PDXK: variants seen among roughly 807,000 people sequenced by gnomAD.
PDXK encodes the protein epididymis secretory sperm binding protein Li 1a.
PDXK carries 15 observed loss-of-function variants against 43.2 expected under a neutral mutation model. The ratio of observed to expected loss-of-function variants is 0.35; its 90% confidence interval spans 0.23 to 0.53. The LOEUF (loss-of-function observed/expected upper bound fraction) is 0.53. PDXK is among the 20% of genes least tolerant of loss of function. The pLI is 0.92. For missense variants in PDXK, 343 were observed against 417.0 expected, an observed-to-expected ratio of 0.82 and a Z score of 1.54; for synonymous variants, 172 against 165.4, an observed-to-expected ratio of 1.04 and a Z score of -0.31.
At chr21:43,729,456 T>C (rs2083290294) in intron 1 of PDXK, among the ~76,000 whole-genome samples, 1 of 151,888 alleles carries the variant, frequency 6.6e-6, no homozygotes, top group South Asian at 2.1e-4. Flanking sequence ...GTGCCCGGGG[T>C]TCTGCAGCCC....
At chr21:43,719,935 C>T in intron 1 of PDXK, 1 of 985,296 alleles carries the variant, frequency 1.0e-6, no homozygotes, top group Non-Finnish European at 1.2e-6. Context: ...GGCCTGACCA[C>T]GCCAGGAGGT....
chr21:43,739,313 G>A (rs570298907), intron 2 of PDXK, among the ~76,000 whole-genome samples: 2 of 152,114 alleles, frequency 1.3e-5, no homozygotes, highest in Non-Finnish European at 2.9e-5. Flanking sequence ...GTGAGCCACC[G>A]CACCCGGCCC....
In PDXK at chr21:43,735,938, G is replaced by A. The variant is rs2083393559; in HGVS notation, c.142+1815G>A. ...CTGGGGAGTGAGGCTGGTGCATCGT[G>A]TACCTGCCCTGGGTGCCACGGGAGC... On this transcript the variant is annotated intron_variant, in intron 2 of 10. Coordinates refer to ENST00000291565, the MANE Select transcript of PDXK (RefSeq NM_003681.5). The surrounding 1 kb of genome is among the most constrained non-coding windows in gnomAD (Gnocchi z 5.3). Among the ~76,000 whole-genome samples the A allele has an allele frequency of 6.6e-6, 1 of 152,152 alleles. No individual in the cohort carries two copies. The highest frequency in any genetic ancestry group is 6.5e-5 in the Admixed American group (1 of 15,284).
rs567932656 is a variant in PDXK, at chr21:43,760,853, C to T, written c.*4790C>T. On this transcript the variant is annotated 3_prime_UTR_variant, in exon 11 of 11. Coordinates refer to ENST00000291565, the MANE Select transcript of PDXK (RefSeq NM_003681.5). ...GTCTCTCCTGCTGGGGGCTTTCTGT[C>T]GCATGTGTGTCTCCTGTCGACTCTG... The T allele has an allele frequency of 1.3e-5, 2 of 152,316 alleles. No individual in the cohort carries two copies. Among genetic ancestry groups the T allele is most frequent in the East Asian group, 1.9e-4 (1 of 5,174 alleles). The allele number at this position is 152,316 out of a possible 1,614,324, so 9.4% of individuals were successfully genotyped here.
intron 9 of PDXK, chr21:43,755,356 C>G: frequency 7.5e-6 from 2 of 265,016 alleles, no homozygotes; most frequent in South Asian, 1.2e-4. Flanking sequence ...GGAGCACTTC[C>G]CCTTGTAGAC....
At chr21:43,733,819 C>T (rs1315562921) in intron 1 of PDXK, 2 of 704,858 alleles carry the variant, frequency 2.8e-6, no homozygotes, top group Non-Finnish European at 4.5e-6. Flanking sequence ...CTGGGCGATG[C>T]CCTCCCGGGC....
rs1191966346 is a variant in PDXK at position 43,719,242 on chromosome 21, C to G, written c.-53C>G. On this transcript the variant is annotated 5_prime_UTR_variant, in exon 1 of 11. Coordinates refer to ENST00000291565, the MANE Select transcript of PDXK (RefSeq NM_003681.5). ...CGAGCCGAGCCGGAGCCCGAGCGAGCGGCGGAGACCGTGCCCCCGCCTCGG... is the reference window on the plus strand; with the variant it reads ...CGAGCCGAGCCGGAGCCCGAGCGAGGGGCGGAGACCGTGCCCCCGCCTCGG... 9.4e-7 allele frequency: 1 copy of G among 1,060,726 alleles called. No individual in the cohort carries two copies. The highest frequency in any genetic ancestry group is 1.2e-6 in the Non-Finnish European group (1 of 808,560). 65.7% of individuals were successfully genotyped at this position (1,060,726 alleles called of 1,614,324 possible).
At chr21:43,728,762 G>C (rs2083280020) in intron 1 of PDXK, 1 of 985,734 alleles carries the variant, frequency 1.0e-6, no homozygotes, top group African/African-American at 1.7e-5. Context: ...CCTGGGCAGG[G>C]GATGAGCTTG....
Position 43,756,117 on chromosome 21 carries a change from C to T in PDXK, c.*54C>T, listed in dbSNP as rs2083847283. The T allele has an allele frequency of 5.8e-6, 6 of 1,034,458 alleles. No homozygotes were observed. The South Asian group carries it at 8.1e-5, about 14-fold the overall frequency. The allele number at this position is 1,034,458 out of a possible 1,614,324, so 64.1% of individuals were successfully genotyped here. ...GCGCGTTGGTGTCTCCGTGTTTGTC[C>T]CTGTGAAAACATGTAACGTCTGCCT... On this transcript the variant is annotated 3_prime_UTR_variant, in exon 11 of 11. Transcript: ENST00000291565.
In PDXK at chr21:43,735,276, T is replaced by A. The variant is rs572351248; in HGVS notation, c.142+1153T>A. On this transcript the variant is annotated intron_variant, in intron 2 of 10. Transcript: ENST00000291565. This position sits in a 1 kb window ranked among gnomAD's most constrained non-coding sequence, Gnocchi z 5.3. ...CCTTTAGGATTTATTTTTCAGTGAG[T>A]GAGCTGGCCGGCTTGGACACTAAAG... Among the ~76,000 whole-genome samples, 2 of 152,282 alleles carry A rather than the reference T, an allele frequency of 1.3e-5. No homozygotes were observed.
At chr21:43,721,106 C>T (rs1446425232) in intron 1 of PDXK, among the ~76,000 whole-genome samples, 3 of 152,202 alleles carry the variant, frequency 2.0e-5, no homozygotes, top group African/African-American at 7.2e-5. Flanking sequence ...GCTCCCATAC[C>T]CCGATGTCCA....
intron 1 of PDXK, chr21:43,728,821 C>T (rs559085141): frequency 9.1e-6 from 9 of 985,630 alleles, no homozygotes; most frequent in South Asian, 9.4e-5. Flanking sequence ...TGCGGTCCAG[C>T]CGGATGACTG....
chr21:43,755,960 G>A lies in PDXK; in HGVS notation c.836G>A (p.Gly279Glu), dbSNP rs766030279. The change falls in exon 11 of 11, where the codon GGG (glycine) becomes GAG (glutamate). Residue 279 changes from glycine to glutamate, a missense_variant. Gly to Glu is a moderately conservative substitution (Grantham distance 98). Transcript: ENST00000291565. ...TCTGCCTGCCCCGCAGCCCAGGCCG[G>A]GGAAGGAGTGAGGCCCAGCCCCATG... ...RTIQCAKAQA[G>E]EGVRPSPMQL... is the part of the protein sequence containing the mutation. The A allele has an allele frequency of 1.5e-5, 24 of 1,610,160 alleles. No homozygotes were observed. The South Asian group carries it at 2.5e-4, about 17-fold the overall frequency.
intron 1 of PDXK, among the ~76,000 whole-genome samples, chr21:43,722,622 C>T (rs1319545937): frequency 4.6e-5 from 7 of 151,960 alleles, no homozygotes; most frequent in African/African-American, 1.7e-4. Context: ...CAGGGCCATG[C>T]TCCCTCCATA....
chr21:43,741,740 C>T lies in PDXK; in HGVS notation c.216C>T (p.Asn72=). Residue 72 remains asparagine, a synonymous_variant, in exon 3 of 11, where the codon AAC becomes AAT. Coordinates refer to ENST00000291565, the MANE Select transcript of PDXK (RefSeq NM_003681.5). ...LQELYEGLRL[N]NMNKYDYVLT... ...AGTTGTACGAAGGCCTGAGGCTGAA[C>T]AACATGAATAAATATGACTACGTGC... The T allele has an allele frequency of 1.9e-6, 3 of 1,611,992 alleles. No homozygotes were observed. Among genetic ancestry groups the T allele is most frequent in the Non-Finnish European group, 2.5e-6 (3 of 1,178,546 alleles).
intron 8 of PDXK, among the ~76,000 whole-genome samples, chr21:43,753,016 G>A (rs1055432255): frequency 7.2e-5 from 11 of 152,204 alleles, no homozygotes; most frequent in African/African-American, 1.4e-4. Context: ...TAGTGGCCGC[G>A]GGTTCATACC....
intron 3 of PDXK, 62 bp downstream of exon 3, chr21:43,741,833 A>C: frequency 8.8e-7 from 1 of 1,133,840 alleles, no homozygotes; most frequent in Non-Finnish European, 1.3e-6. Context: ...GGGTGGGCTC[A>C]GGGAGGTCCA....
Position 43,737,180 on chromosome 21 carries a change from A to G in PDXK, c.142+3057A>G, listed in dbSNP as rs373827170. ...ACAAAGCCAGACTCCCGGCAGGGACACGGGTGTTCCACACAAGCTGCGTTG... is the reference window on the plus strand; with the variant it reads ...ACAAAGCCAGACTCCCGGCAGGGACGCGGGTGTTCCACACAAGCTGCGTTG... On this transcript the variant is annotated intron_variant, in intron 2 of 10. Transcript: ENST00000291565. This position sits in a 1 kb window ranked among gnomAD's most constrained non-coding sequence, Gnocchi z 4.8. The G allele has an allele frequency of 1.7e-5, 25 of 1,449,326 alleles. No homozygotes were observed. Among genetic ancestry groups the G allele is most frequent in the Non-Finnish European group, 2.3e-5 (25 of 1,101,070 alleles). The allele number at this position is 1,449,326 out of a possible 1,614,324, so 89.8% of individuals were successfully genotyped here.
At chr21:43,720,004 C>T (rs575931534) in intron 1 of PDXK, 52 of 841,104 alleles carry the variant, frequency 6.2e-5, no homozygotes, top group Non-Finnish European at 7.0e-5. Context: ...GAGCGGCATC[C>T]CTGCAGGTGT....
Sources: gnomAD v4.1 joint callset for allele counts (sites outside exome capture counted in the v4.1 genomes callset) on GRCh38, gnomAD v4.1.1 for gene constraint, Gnocchi (gnomAD v3.1) non-coding constraint, MANE v1.5 for transcripts, NCBI Gene and HGNC (gene_info 2026-07-23, HGNC 2026-07-21) for gene names.